CCL14: variants seen among roughly 807,000 people sequenced by gnomAD.
CCL14 encodes C-C motif chemokine ligand 14, also known as C-C motif chemokine 14.
Under a neutral mutation model 8.2 loss-of-function variants are expected in CCL14, and 8 were observed. The ratio of observed to expected loss-of-function variants is 0.98; its 90% CI spans 0.57 to 1.76. CCL14 has a LOEUF of 1.76. CCL14 is among the 40% of genes most tolerant of loss of function. The pLI, the probability that CCL14 is intolerant of heterozygous loss-of-function variation, is 0.00. For missense variants in CCL14, 127 were observed against 118.3 expected (o/e 1.07, Z -0.34); for synonymous variants, 50 against 43.2 (o/e 1.16, Z -0.62).
At chr17:35,984,882 A>G in intron 1 of CCL14, 1 of 311,982 alleles carries the variant, frequency 3.2e-6, no homozygotes, top group South Asian at 1.3e-4. Context: ...AGGGATTTGG[A>G]GACATGCCAT....
intron 1 of CCL14, chr17:35,985,775 C>A (rs1568457999): frequency 6.4e-7 from 1 of 1,551,576 alleles, no homozygotes; most frequent in East Asian, 2.4e-5. Flanking sequence ...ATTTTAACAA[C>A]CTTCGGTTTC....
In CCL14 at chr17:35,986,605, G is replaced by A. The variant is rs2089776473; in HGVS notation, c.45C>T (p.Thr15=). 6.2e-7 allele frequency: 1 copy of A among 1,613,968 alleles called. No individual in the cohort carries two copies. The part of the protein sequence containing the change: ...VAAIPFFLLI[T]IALGTKTESS... ...ATTCAGTCTTGGTCCCTAGGGCGATGGTGATGAGGAGGAAGAAGGGAATGG... is the reference window on the plus strand; with the variant it reads ...ATTCAGTCTTGGTCCCTAGGGCGATAGTGATGAGGAGGAAGAAGGGAATGG... The change falls in exon 1 of 3, where the codon ACC becomes ACT. Residue 15 remains threonine, a synonymous_variant. Coordinates refer to ENST00000618404, the MANE Select transcript of CCL14 (RefSeq NM_032963.4).
rs2141992202 is a variant in CCL14 at position 35,983,714 on chromosome 17, T to G, written c.*87A>C. ...GAAGCTCCAAGAGGGTGACTGGGGCTGAGAGTTAGCGGTGGGTGGAGGAGG... is the reference window on the plus strand; with the variant it reads ...GAAGCTCCAAGAGGGTGACTGGGGCGGAGAGTTAGCGGTGGGTGGAGGAGG... On this transcript the variant is annotated 3_prime_UTR_variant, in exon 3 of 3. Transcript: ENST00000618404. 17 of 900,498 alleles carry G rather than the reference T, an allele frequency of 1.9e-5. No homozygotes were observed. Among genetic ancestry groups the G allele is most frequent in the Non-Finnish European group, 2.8e-5 (15 of 532,184 alleles). 55.8% of individuals were successfully genotyped at this position (900,498 alleles called of 1,614,324 possible).
chr17:35,984,269 T>A, intron 2 of CCL14, 69 bp downstream of exon 2: 1 of 1,155,500 alleles, frequency 8.7e-7, no homozygotes. Flanking sequence ...CCACCACCAC[T>A]CCCTGCTTCC....
chr17:35,985,814 A>T (rs1461990603), intron 1 of CCL14: 7 of 1,543,782 alleles, frequency 4.5e-6, no homozygotes, highest in Non-Finnish European at 6.1e-6. Context: ...GAGAGTAGGT[A>T]AAATGGAAGA....
chr17:35,984,207 G>A lies in CCL14; in HGVS notation c.194+131C>T, dbSNP rs2089719524. 8 of 699,932 alleles carry A rather than the reference G, an allele frequency of 1.1e-5. No individual in the cohort carries two copies. In the East Asian group the frequency reaches 2.1e-4, roughly 18 times the overall value. The allele number at this position is 699,932 out of a possible 1,614,324, so 43.4% of individuals were successfully genotyped here. Reference sequence around the variant, plus strand: ...CAGAAAGCGCTCAGATTGCCCCTCAGCTGCCTCTCCCCATGTAGTCACACC... The same window carrying A: ...CAGAAAGCGCTCAGATTGCCCCTCAACTGCCTCTCCCCATGTAGTCACACC... On this transcript the variant is annotated intron_variant, in intron 2 of 2. Transcript: ENST00000618404.
chr17:35,985,201 C>T (rs2141994930), intron 1 of CCL14: 1 of 156,054 alleles, frequency 6.4e-6, no homozygotes, highest in East Asian at 1.9e-4. Context: ...AGAGTGGTGT[C>T]TTGTACCCTA....
At position 35,983,804 on chromosome 17, in the gene CCL14, G is replaced by A; in HGVS notation, c.279C>T (p.Asn93=). ...VQDYIKDMKE[N] ...TTCGCCACCCCTTCTGGGTCACTCA[G>A]TTCTCCTTCATGTCCTTGATATAGT... Residue 93 remains asparagine, a synonymous_variant, in exon 3 of 3, where the codon AAC becomes AAT. Coordinates refer to ENST00000618404, the MANE Select transcript of CCL14 (RefSeq NM_032963.4). 1.9e-6 allele frequency: 3 copies of A among 1,611,540 alleles called. No homozygotes were observed. Among genetic ancestry groups the A allele is most frequent in the African/African-American group, 2.7e-5 (2 of 74,986 alleles).
chr17:35,985,722 G>A (rs1000844094), intron 1 of CCL14: 1 of 1,544,356 alleles, frequency 6.5e-7, no homozygotes, highest in Non-Finnish European at 8.8e-7. Flanking sequence ...TGACATCGGA[G>A]AGGGCAAGTC....
rs1276700927 is a variant in CCL14 at position 35,984,189 on chromosome 17, C to T, written c.194+149G>A. 10 of 650,780 alleles carry T rather than the reference C, an allele frequency of 1.5e-5. 1 individual carries two copies. Among genetic ancestry groups the T allele is most frequent in the Middle Eastern group, 8.3e-4 (2 of 2,420 alleles). The allele number at this position is 650,780 out of a possible 1,614,324, so 40.3% of individuals were successfully genotyped here. On this transcript the variant is annotated intron_variant, in intron 2 of 2. Coordinates refer to ENST00000618404, the MANE Select transcript of CCL14 (RefSeq NM_032963.4). ...GCTCCTGCAGGCTCCAGCCAGAAAG[C>T]GCTCAGATTGCCCCTCAGCTGCCTC...
intron 1 of CCL14, chr17:35,985,738 G>A: frequency 2.6e-6 from 4 of 1,550,358 alleles, no homozygotes; most frequent in Non-Finnish European, 2.6e-6. Context: ...AAGTCAAACT[G>A]TGCACATACC....
At chr17:35,985,891 C>CCCCTTT in intron 1 of CCL14, 1 of 983,854 alleles carries the variant, frequency 1.0e-6, no homozygotes, top group Non-Finnish European at 1.6e-6. Flanking sequence ...AAAAGGGGGC[C>CCCCTTT]TAGGATGGAC....
chr17:35,983,861 G>A lies in CCL14; in HGVS notation c.222C>T (p.Val74=). The A allele has an allele frequency of 6.2e-7, 1 of 1,614,084 alleles. No individual in the cohort carries two copies. The highest frequency in any genetic ancestry group is 8.5e-7 in the Non-Finnish European group (1 of 1,179,922). ...CCCACTTGTCACTGGGGTTGGTACA[G>A]ACGGAATGGCCCCTTTTGGTGATGA... ...IVFITKRGHS[V]CTNPSDKWVQ... The change falls in exon 3 of 3, where the codon GTC becomes GTT. Residue 74 remains valine (V), a synonymous_variant. Coordinates refer to ENST00000618404, the MANE Select transcript of CCL14 (RefSeq NM_032963.4).
Position 35,983,509 on chromosome 17 carries a change from A to G in CCL14, c.*292T>C, listed in dbSNP as rs776528383. ...TTTTCTTTCTCACTTTCTGCTTCTC[A>G]CTACCTGCATTGCAGGCCTGACCTA... is the stretch of plus-strand genomic sequence containing the variant. On this transcript the variant is annotated 3_prime_UTR_variant, in exon 3 of 3. Coordinates refer to ENST00000618404, the MANE Select transcript of CCL14 (RefSeq NM_032963.4). 7.7e-6 allele frequency: 3 copies of G among 389,572 alleles called. No homozygotes were observed. In the Admixed American group the frequency reaches 1.2e-4, roughly 15 times the overall value. 24.1% of individuals were successfully genotyped at this position (389,572 alleles called of 1,614,324 possible). A position where few individuals can be genotyped will look rare whatever the true frequency, so the allele number is the denominator to read the frequency against.
chr17:35,984,260 C>T, intron 2 of CCL14, 78 bp downstream of exon 2: 1 of 1,084,426 alleles, frequency 9.2e-7, no homozygotes, highest in Non-Finnish European at 1.4e-6. Context: ...GTCCCCATTC[C>T]ACCACCACTC....
intron 1 of CCL14, 111 bp downstream of exon 1, chr17:35,986,460 C>A (rs1251660675): frequency 2.6e-6 from 2 of 767,818 alleles, no homozygotes; most frequent in East Asian, 2.6e-5. Flanking sequence ...AAGAAGATAC[C>A]AGCCCTCCTT....
chr17:35,986,029 A>C, intron 1 of CCL14: 1 of 549,372 alleles, frequency 1.8e-6, no homozygotes, highest in Non-Finnish European at 3.2e-6. Context: ...TGAGGGGCTC[A>C]AGACACTGCT....
In CCL14 at chr17:35,986,620, G is replaced by A; in HGVS notation, c.30C>T (p.Phe10=). The change falls in exon 1 of 3, where the codon TTC becomes TTT. Residue 10 remains phenylalanine, a synonymous_variant. Coordinates refer to ENST00000618404, the MANE Select transcript of CCL14 (RefSeq NM_032963.4). ...CTAGGGCGATGGTGATGAGGAGGAA[G>A]AAGGGAATGGCAGCCACGGAGATCT... MKISVAAIP[F]FLLITIALGT... 1 of 1,613,444 alleles carries A rather than the reference G, an allele frequency of 6.2e-7. No homozygotes were observed.
chr17:35,985,616 TCC>T, intron 1 of CCL14: 1 of 724,752 alleles, frequency 1.4e-6, no homozygotes, highest in Non-Finnish European at 2.4e-6. Flanking sequence ...CCAGGCAGCA[TCC>T]TCACGATCCA....
Sources: allele counts gnomAD v4.1 joint callset, GRCh38; gene constraint gnomAD v4.1.1; transcripts MANE v1.5; gene names NCBI Gene and HGNC (gene_info 2026-07-23, HGNC 2026-07-21).